The following KCNIP4 variants were observed in gnomAD, a reference collection of about 807,000 sequenced individuals.
The protein encoded by KCNIP4 is Kv channel-interacting protein 4.
KCNIP4 carries 12 observed loss-of-function variants against 34.0 expected under a neutral mutation model. The observed-to-expected ratio is 0.35, with a 90% CI of 0.23 to 0.57. The LOEUF (loss-of-function observed/expected upper bound fraction) is 0.57, where lower values mean the gene tolerates loss of function less well. Among genes scored for constraint, KCNIP4 ranks in the 20% least tolerant of loss-of-function variants. The pLI is 0.83. For synonymous variants in KCNIP4, 124 were observed against 102.2 expected, an observed-to-expected ratio of 1.21 and a Z score of -1.29; for missense variants, 238 against 311.7, an observed-to-expected ratio of 0.76 and a Z score of 1.78.
At chr4:20,943,226 T>C (rs1174175108) in intron 1 of KCNIP4, among the ~76,000 whole-genome samples, 1 of 152,186 alleles carries the variant, frequency 6.6e-6, no homozygotes, top group African/African-American at 2.4e-5. Context: ...GATGCTATAA[T>C]GGTCTCTGTT....
chr4:20,783,279 C>T (rs1041066458), intron 3 of KCNIP4, among the ~76,000 whole-genome samples: 9 of 152,148 alleles, frequency 5.9e-5, no homozygotes, highest in Non-Finnish European at 8.8e-5. Flanking sequence ...CCAGTTCCTA[C>T]GTCACTTCCA....
chr4:21,859,544 C>T (rs977318306), intron 1 of KCNIP4, among the ~76,000 whole-genome samples: 7 of 151,430 alleles, frequency 4.6e-5, no homozygotes, highest in African/African-American at 1.7e-4. Context: ...AGGAGAATGG[C>T]ATGAACCTGG....
rs151114721 is a variant in KCNIP4, at chr4:21,108,911, C to T, written c.62-226202G>A. Among the ~76,000 whole-genome samples the T allele has an allele frequency of 6.9e-3, 1,050 of 152,260 alleles. 8 individuals are homozygous for T. Among genetic ancestry groups the T allele is most frequent in the African/African-American group, 0.021 (861 of 41,552 alleles). On this transcript the variant is annotated intron_variant, in intron 1 of 8. Transcript: ENST00000382152. ...AACAGCAGTGGTGGCTGCAGAACAG[C>T]GGATTTTCGTGAACCACGAATGCTG...
At chr4:21,528,450 C>T (rs1345108717) in intron 1 of KCNIP4, among the ~76,000 whole-genome samples, 1 of 151,706 alleles carries the variant, frequency 6.6e-6, no homozygotes, top group Non-Finnish European at 1.5e-5. Flanking sequence ...GGGTGTATCA[C>T]GAGGTCAGGA....
rs559147394 is a variant in KCNIP4 at position 21,855,651 on chromosome 4, ATTGGCT to A, written c.61+92914_61+92919del. ...TTCTATAAGTTCTTATCCATATACA[ATTGGCT>A]TCTGGGTCCTACCTGTTCTATCCCC... On this transcript the variant is annotated intron_variant, in intron 1 of 8. Transcript: ENST00000382152. The A allele has an allele frequency of 2.2e-3, 341 of 152,212 alleles. 1 individual carries two copies. Among genetic ancestry groups the A allele is most frequent in the African/African-American group, 7.8e-3 (326 of 41,532 alleles). The allele number at this position is 152,212 out of a possible 1,614,324, so 9.4% of individuals were successfully genotyped here.
chr4:21,453,357 T>C (rs1188477771), intron 1 of KCNIP4, among the ~76,000 whole-genome samples: 1 of 152,128 alleles, frequency 6.6e-6, no homozygotes, highest in East Asian at 1.9e-4. Flanking sequence ...GTGAACATAA[T>C]CTCATTGAAT....
chr4:21,785,448 C>T lies in KCNIP4; in HGVS notation c.61+163123G>A, dbSNP rs527270751. ...TCTACTAAAAATACAAAAAATTAGC[C>T]AGGTGTGGTGGCGCATGTCTGTAAT... On this transcript the variant is annotated intron_variant, in intron 1 of 8. Transcript: ENST00000382152. 3.9e-5 allele frequency among the ~76,000 whole-genome samples: 6 copies of T among 151,968 alleles called. No individual in the cohort carries two copies. In the South Asian group the frequency reaches 1.2e-3, roughly 32 times the overall value.
intron 1 of KCNIP4, among the ~76,000 whole-genome samples, chr4:21,435,200 G>T (rs1234526412): frequency 6.6e-6 from 1 of 152,192 alleles, no homozygotes; most frequent in East Asian, 1.9e-4. Context: ...TTTTGATATA[G>T]TGTGTTGAAA....
intron 1 of KCNIP4, among the ~76,000 whole-genome samples, chr4:21,560,206 T>G (rs1340209640): frequency 6.6e-6 from 1 of 152,124 alleles, no homozygotes; most frequent in Admixed American, 6.6e-5. Flanking sequence ...TGTATCCTGA[T>G]GCAAAATGTT....
chr4:20,775,094 GCTCT>G (rs1436078976), intron 3 of KCNIP4, among the ~76,000 whole-genome samples: 1 of 151,982 alleles, frequency 6.6e-6, no homozygotes, highest in African/African-American at 2.4e-5. Context: ...TGTGTATCAG[GCTCT>G]CTGTTATAAA....
intron 1 of KCNIP4, among the ~76,000 whole-genome samples, chr4:21,381,581 G>A (rs561422286): frequency 6.6e-6 from 1 of 152,276 alleles, no homozygotes; most frequent in East Asian, 1.9e-4. Context: ...CAACCACTGA[G>A]CTGACAATTC....
chr4:21,718,206 A>G (rs1446804350), intron 1 of KCNIP4, among the ~76,000 whole-genome samples: 2 of 152,214 alleles, frequency 1.3e-5, no homozygotes, highest in Admixed American at 6.5e-5. Flanking sequence ...TACTATATTT[A>G]GAAATAGTTT....
At chr4:21,686,806 A>G (rs1372578084) in intron 1 of KCNIP4, among the ~76,000 whole-genome samples, 2 of 152,132 alleles carry the variant, frequency 1.3e-5, no homozygotes, top group African/African-American at 2.4e-5. Context: ...TATTTCTAGT[A>G]TCCCATTACT....
intron 1 of KCNIP4, among the ~76,000 whole-genome samples, chr4:21,802,173 C>A (rs1174090204): frequency 1.3e-5 from 2 of 150,254 alleles, no homozygotes; most frequent in Non-Finnish European, 3.0e-5. Flanking sequence ...GACCACTATG[C>A]CAGGAATGTT....
At chr4:20,789,759 T>C (rs1234764997) in intron 3 of KCNIP4, among the ~76,000 whole-genome samples, 1 of 151,276 alleles carries the variant, frequency 6.6e-6, no homozygotes, top group African/African-American at 2.4e-5. Context: ...GACATCATCC[T>C]AGATCATCCA....
chr4:20,793,609 C>A (rs964399965), intron 3 of KCNIP4, among the ~76,000 whole-genome samples: 1 of 152,042 alleles, frequency 6.6e-6, no homozygotes, highest in Non-Finnish European at 1.5e-5. Context: ...GACACTTTTT[C>A]CACGGATGGG....
intron 1 of KCNIP4, among the ~76,000 whole-genome samples, chr4:21,256,970 A>G (rs984425641): frequency 6.6e-6 from 1 of 152,156 alleles, no homozygotes; most frequent in African/African-American, 2.4e-5. Flanking sequence ...ATCAGAATTT[A>G]TATTTTTTGA....
chr4:21,882,673 G>A (rs929024743), intron 1 of KCNIP4, among the ~76,000 whole-genome samples: 2 of 152,076 alleles, frequency 1.3e-5, no homozygotes, highest in African/African-American at 4.8e-5. Context: ...AGTCTTTCAA[G>A]TGGCTGCGTC....
chr4:21,626,544 T>C (rs1745336141), intron 1 of KCNIP4, among the ~76,000 whole-genome samples: 1 of 151,708 alleles, frequency 6.6e-6, no homozygotes, highest in Non-Finnish European at 1.5e-5. Flanking sequence ...CAAAAATAAA[T>C]TTCTGTTGTT....
Sources: gnomAD v4.1 joint callset for allele counts (sites outside exome capture counted in the v4.1 genomes callset) on GRCh38, gnomAD v4.1.1 for gene constraint, MANE v1.5 for transcripts, NCBI Gene and HGNC (gene_info 2026-07-23, HGNC 2026-07-21) for gene names.